Variants in ARHGEF11 observed in about 807,000 individuals in gnomAD.
The protein encoded by ARHGEF11 is Rho guanine nucleotide exchange factor 11.
In ARHGEF11, 55 loss-of-function variants were observed where a neutral mutation model predicts 193.7. The observed-to-expected ratio is 0.28, with a 90% CI of 0.23 to 0.36. ARHGEF11 has a LOEUF of 0.36. Ranked by LOEUF, ARHGEF11 falls within the 10% of genes least tolerant of loss-of-function variation. The probability of loss-of-function intolerance (pLI) is 1.00; values close to 1 mark genes in which losing one functional copy is unlikely to be tolerated. For synonymous variants in ARHGEF11, 693 were observed against 768.0 expected (o/e 0.90, Z 1.62); for missense variants, 1,723 against 2,005.6 (o/e 0.86, Z 2.69).
intron 13 of ARHGEF11, among the ~76,000 whole-genome samples, chr1:156,962,431 A>G (rs1364443798): frequency 1.3e-5 from 2 of 152,104 alleles, no homozygotes; most frequent in East Asian, 3.9e-4. Context: ...GCTGGCTCTG[A>G]GCACTTTCCC....
chr1:157,021,753 AG>A (rs1670013878), intron 1 of ARHGEF11, among the ~76,000 whole-genome samples: 1 of 152,190 alleles, frequency 6.6e-6, no homozygotes, highest in Non-Finnish European at 1.5e-5. Context: ...CTAATCACAT[AG>A]GGTTGTTTCA....
At chr1:157,046,560 C>T (rs1244094597), upstream of ARHGEF11, among the ~76,000 whole-genome samples, 1 of 152,120 alleles carries the variant, frequency 6.6e-6, no homozygotes, top group Non-Finnish European at 1.5e-5. Context: ...CTTCTAATAC[C>T]ACCGACTTAG....
chr1:157,044,242 C>T (rs370221711), intron 1 of ARHGEF11, 57 bp downstream of exon 1: 17 of 1,522,212 alleles, frequency 1.1e-5, no homozygotes, highest in South Asian at 4.5e-5. Context: ...TGCAACACCA[C>T]CCCTCCCAGT....
rs377145948 is a variant in ARHGEF11, at chr1:156,941,358, T to C, written c.3514+14A>G. On this transcript the variant is annotated intron_variant, in intron 35 of 40. Coordinates refer to ENST00000368194, the MANE Select transcript of ARHGEF11 (RefSeq NM_198236.3). ...GCCTGGGCTGGCTCCCACAGGACAG[T>C]TCAGGGCCCTTACCTCCAGGCAGCT... 3.1e-6 allele frequency: 5 copies of C among 1,612,392 alleles called. No individual in the cohort carries two copies. The African/African-American group carries it at 4.0e-5, about 13-fold the overall frequency.
intron 21 of ARHGEF11, among the ~76,000 whole-genome samples, chr1:156,952,993 C>T (rs1416338720): frequency 4.6e-5 from 7 of 152,250 alleles, no homozygotes; most frequent in Admixed American, 4.6e-4. Context: ...TCCACTCTTC[C>T]CTTTCCCATG....
chr1:156,971,615 C>G lies in ARHGEF11; in HGVS notation c.702+82G>C, dbSNP rs185425040. The G allele has an allele frequency of 1.5e-5, 22 of 1,514,462 alleles. No homozygotes were observed. In the Admixed American group the frequency reaches 2.7e-4, roughly 19 times the overall value. 93.8% of individuals were successfully genotyped at this position (1,514,462 alleles called of 1,614,324 possible). On this transcript the variant is annotated intron_variant, in intron 8 of 40. Coordinates refer to ENST00000368194, the MANE Select transcript of ARHGEF11 (RefSeq NM_198236.3). ...TGAGGTCCTGGCATAACCCAAGAAG[C>G]CTTCTGTCCTTGCTTTTTCCCTCAC...
intron 40 of ARHGEF11, among the ~76,000 whole-genome samples, chr1:156,936,497 A>AAAAAAATAT (rs370282821): frequency 2.4e-4 from 8 of 33,938 alleles, no homozygotes; most frequent in South Asian, 3.3e-3. Context: ...AAAAAAAAAA[A>AAAAAAATAT]ATATATATAT....
At chr1:157,008,405 C>T (rs888434765) in intron 1 of ARHGEF11, among the ~76,000 whole-genome samples, 65 of 36,566 alleles carry the variant, frequency 1.8e-3, no homozygotes, top group Admixed American at 5.4e-3. Flanking sequence ...CTTGCACGCA[C>T]GCACACACAC....
chr1:156,936,497 A>AAAAATATAT (rs370282821), intron 40 of ARHGEF11, among the ~76,000 whole-genome samples: 1 of 33,938 alleles, frequency 2.9e-5, no homozygotes, highest in Non-Finnish European at 4.6e-5. Context: ...AAAAAAAAAA[A>AAAAATATAT]ATATATATAT....
rs1170318822 is a variant in ARHGEF11, at chr1:156,938,405, A to C, written c.4192+13T>G. On this transcript the variant is annotated intron_variant, in intron 38 of 40. Coordinates refer to ENST00000368194, the MANE Select transcript of ARHGEF11 (RefSeq NM_198236.3). ...TCTTGGCCTGTCTTTAGCTCCAAGG[A>C]GAAAGTTATTACCCGTAGCCTTTGT... The C allele has an allele frequency of 6.2e-7, 1 of 1,610,930 alleles. No homozygotes were observed. Among genetic ancestry groups the C allele is most frequent in the Non-Finnish European group, 8.5e-7 (1 of 1,177,740 alleles).
Position 156,945,114 on chromosome 1 carries a change from G to C in ARHGEF11, c.2896C>G (p.Gln966Glu). 6.2e-7 allele frequency: 1 copy of C among 1,614,190 alleles called. No individual in the cohort carries two copies. Among genetic ancestry groups the C allele is most frequent in the Non-Finnish European group, 8.5e-7 (1 of 1,180,030 alleles). Residue 966 changes from glutamine (Q) to glutamate (E), a missense_variant, in exon 30 of 41, where the codon CAA (glutamine) becomes GAA (glutamate). Physicochemically the swap from Gln to Glu is conservative, Grantham distance 29 (BLOSUM62 2). Around this residue, in one of 5 missense-constraint regions of ARHGEF11, gnomAD observed 491 missense variants for 654.5 expected, o/e 0.75. Coordinates refer to ENST00000368194, the MANE Select transcript of ARHGEF11 (RefSeq NM_198236.3). ...TCTAAACGGTGGCGGTTCTCTGTTT[G>C]TTTTACCGCTTCATTCACATACTTG... ...ILKYVNEAVK[Q>E]TENRHRLEGY...
chr1:156,969,257 T>C (rs1662181214), intron 10 of ARHGEF11, 25 bp downstream of exon 10: 7 of 1,571,296 alleles, frequency 4.5e-6, no homozygotes, highest in Non-Finnish European at 6.1e-6. Flanking sequence ...ACGTTCTGAA[T>C]GGGCCTTGCC....
rs1654955476 is a variant in ARHGEF11, at chr1:156,935,914, T to C, written c.*86A>G. ...ACTGCCTCCTCCACAGGGAGGAGTG[T>C]TGGGATCCCCCCTACCCTGTGCCCC... On this transcript the variant is annotated 3_prime_UTR_variant, in exon 41 of 41. Transcript: ENST00000368194. 13 of 1,434,344 alleles carry C rather than the reference T, an allele frequency of 9.1e-6. No homozygotes were observed. The highest frequency in any genetic ancestry group is 4.2e-5 in the Admixed American group (2 of 47,268). 88.9% of individuals were successfully genotyped at this position (1,434,344 alleles called of 1,614,324 possible). A position where few individuals can be genotyped will look rare whatever the true frequency, so the allele number is the denominator to read the frequency against.
rs1656381606 is a variant in ARHGEF11 at position 156,939,743 on chromosome 1, C to T, written c.3901G>A (p.Glu1301Lys). The T allele has an allele frequency of 1.2e-6, 2 of 1,613,984 alleles. No homozygotes were observed. The highest frequency in any genetic ancestry group is 2.7e-5 in the African/African-American group (2 of 74,930). The change falls in exon 37 of 41, where the codon GAA becomes AAA. Residue 1301 changes from glutamate (E) to lysine (K), a missense_variant. Transcript: ENST00000368194. ...GSPGQAPPGG[E>K]GDNTQLAGLE... The stretch of plus-strand genomic sequence containing the variant: ...CCTGCAAGCTGGGTGTTGTCCCCTT[C>T]ACCCCCAGGGGGTGCTTGCCCTGGG...
chr1:156,941,793 G>A, intron 34 of ARHGEF11, 71 bp downstream of exon 34: 2 of 1,534,958 alleles, frequency 1.3e-6, no homozygotes, highest in Non-Finnish European at 8.7e-7. Context: ...GGGGCGAAGG[G>A]CTTAAAAGCA....
rs1278520806 is a variant in ARHGEF11, at chr1:156,939,577, G to A, written c.4067C>T (p.Ala1356Val). ...TCTCACAACTTTGTAACCTCCTGCTGCCTCTGTGCTTGAAGCATCTTCAGC... is the reference window on the plus strand; with the variant it reads ...TCTCACAACTTTGTAACCTCCTGCTACCTCTGTGCTTGAAGCATCTTCAGC... Reference protein sequence around the residue: ...NLAEDASSTEAAGGYKVVRKA... With the variant: ...NLAEDASSTEVAGGYKVVRKA... The change falls in exon 37 of 41, where the codon GCA (alanine) becomes GTA (valine). Residue 1356 changes from alanine to valine, a missense_variant. Ala to Val is a moderately conservative substitution (Grantham distance 64, BLOSUM62 0). Transcript: ENST00000368194. The A allele has an allele frequency of 6.2e-7, 1 of 1,612,724 alleles. No homozygotes were observed. Among genetic ancestry groups the A allele is most frequent in the African/African-American group, 1.3e-5 (1 of 75,020 alleles).
Position 156,961,767 on chromosome 1 carries a change from G to A in ARHGEF11, c.1149C>T (p.Tyr383=). ...CCTGCTGATAAACTTCTGCACACAG[G>A]TAAAAAAGCTAGGAGGAGAGAGAAC... ...SQADPSPLLF[Y]LCAEVYQQAS... is the part of the protein sequence containing the mutation. Residue 383 remains tyrosine (Y), a synonymous_variant, in exon 14 of 41, where the codon TAC becomes TAT. Transcript: ENST00000368194. 1 of 1,614,114 alleles carries A rather than the reference G, an allele frequency of 6.2e-7. No homozygotes were observed. Among genetic ancestry groups the A allele is most frequent in the East Asian group, 2.2e-5 (1 of 44,882 alleles).
chr1:156,971,775 C>G lies in ARHGEF11; in HGVS notation c.624G>C (p.Leu208=). ...GCCGGGCACCTTCGATCTGCTCTTCCAGTAGGCTGGCGGGGTTCCGGCTAT... is the reference window on the plus strand; with the variant it reads ...GCCGGGCACCTTCGATCTGCTCTTCGAGTAGGCTGGCGGGGTTCCGGCTAT... ...EVYSRNPASL[L]EEQIEGARRR... Residue 208 remains leucine, a synonymous_variant, in exon 8 of 41, where the codon CTG becomes CTC. Coordinates refer to ENST00000368194, the MANE Select transcript of ARHGEF11 (RefSeq NM_198236.3). 6.2e-7 allele frequency: 1 copy of G among 1,613,898 alleles called. No homozygotes were observed. The highest frequency in any genetic ancestry group is 8.5e-7 in the Non-Finnish European group (1 of 1,180,008).
chr1:157,013,392 C>T (rs1420996591), intron 1 of ARHGEF11, among the ~76,000 whole-genome samples: 1 of 151,900 alleles, frequency 6.6e-6, no homozygotes, highest in Non-Finnish European at 1.5e-5. Flanking sequence ...CTCACCATGC[C>T]TACTCCTTGG....
Sources: allele counts gnomAD v4.1 joint callset (sites outside exome capture counted in the v4.1 genomes callset), GRCh38; gene constraint gnomAD v4.1.1; regional missense constraint gnomAD v4.1.1; transcripts MANE v1.5; gene names NCBI Gene and HGNC (gene_info 2026-07-23, HGNC 2026-07-21).